The following KIRREL3 variants were observed in gnomAD, a reference collection of about 807,000 sequenced individuals.
KIRREL3 encodes kin of IRRE-like protein 3.
Under a neutral mutation model 89.7 loss-of-function variants are expected in KIRREL3, and 36 were observed. The observed-to-expected ratio is 0.40, with a 90% confidence interval of 0.31 to 0.53. KIRREL3 has a LOEUF of 0.53. KIRREL3 is among the 20% of genes least tolerant of loss of function. KIRREL3 has a pLI of 0.49. For synonymous variants in KIRREL3, 445 were observed against 441.4 expected, an observed-to-expected ratio of 1.01 and a Z score of -0.10; for missense variants, 864 against 1,056.6, an observed-to-expected ratio of 0.82 and a Z score of 2.53.
intron 1 of KIRREL3, among the ~76,000 whole-genome samples, chr11:126,746,850 C>T (rs1949168547): frequency 6.6e-6 from 1 of 152,226 alleles, no homozygotes; most frequent in Non-Finnish European, 1.5e-5. Flanking sequence ...TCCTCACACA[C>T]TCACATCCTG....
At chr11:126,858,188 A>T (rs1944592741) in intron 1 of KIRREL3, among the ~76,000 whole-genome samples, 1 of 152,166 alleles carries the variant, frequency 6.6e-6, no homozygotes, top group Non-Finnish European at 1.5e-5. Flanking sequence ...TATAGACTAG[A>T]CTTGTCCAGG....
rs1007126633 is a variant in KIRREL3, at chr11:126,763,164, T to C, written c.56-200252A>G. 3.9e-5 allele frequency among the ~76,000 whole-genome samples: 6 copies of C among 152,304 alleles called. No individual in the cohort carries two copies. The highest frequency in any genetic ancestry group is 1.4e-4 in the African/African-American group (6 of 41,574). On this transcript the variant is annotated intron_variant, in intron 1 of 16. Coordinates refer to ENST00000525144, the MANE Select transcript of KIRREL3 (RefSeq NM_032531.4). This position sits in a 1 kb window ranked among gnomAD's most constrained non-coding sequence, Gnocchi z 4.7. ...GGTTTGAGAGCAGATTCTGGCTCTG[T>C]TGTCAGCAAGCTGTGTGATCTTGAA... is the stretch of plus-strand genomic sequence containing the variant.
rs1947128458 is a variant in KIRREL3, at chr11:126,918,432, CTT to C, written c.55+82021_55+82022del. Among the ~76,000 whole-genome samples the C allele has an allele frequency of 6.6e-6, 1 of 152,316 alleles. No individual in the cohort carries two copies. The highest frequency in any genetic ancestry group is 1.9e-4 in the East Asian group (1 of 5,194). ...GTAGTTTTAGCGTAAGGAGTGAAGT[CTT>C]TGTAAACTAAGCTGCTTGTTCCTCT... On this transcript the variant is annotated intron_variant, in intron 1 of 16. Coordinates refer to ENST00000525144, the MANE Select transcript of KIRREL3 (RefSeq NM_032531.4). This position sits in a 1 kb window ranked among gnomAD's most constrained non-coding sequence, Gnocchi z 6.5.
At position 126,576,275 on chromosome 11, in the gene KIRREL3, A is replaced by C. The variant is rs974347061; in HGVS notation, c.56-13363T>G. Among the ~76,000 whole-genome samples the C allele has an allele frequency of 2.6e-5, 4 of 152,236 alleles. No homozygotes were observed. Among genetic ancestry groups the C allele is most frequent in the African/African-American group, 9.6e-5 (4 of 41,458 alleles). ...CCTTCCTTTTACAGAACTATAAGTCAGCCTCAGGTATGGGTCAGCTTTATG... is the reference window on the plus strand; with the variant it reads ...CCTTCCTTTTACAGAACTATAAGTCCGCCTCAGGTATGGGTCAGCTTTATG... On this transcript the variant is annotated intron_variant, in intron 1 of 16. Coordinates refer to ENST00000525144, the MANE Select transcript of KIRREL3 (RefSeq NM_032531.4). The surrounding 1 kb of genome is among the most constrained non-coding windows in gnomAD (Gnocchi z 5.4).
rs1296871013 is a variant in KIRREL3 at position 126,448,306 on chromosome 11, TAAA to T, written c.997+700_997+702del. Among the ~76,000 whole-genome samples the T allele has an allele frequency of 2.3e-3, 289 of 123,674 alleles. 1 individual carries two copies. The highest frequency in any genetic ancestry group is 8.4e-3 in the African/African-American group (272 of 32,540). 81.1% of individuals were successfully genotyped at this position (123,674 alleles called of 152,430 possible). Reference sequence around the variant, plus strand: ...AAAAAAAAAAAAAAAAAAAAAGAAATAAAAAGAAAAAGAAGGTACGTCCGTGAG... The same window carrying T: ...AAAAAAAAAAAAAAAAAAAAAGAAATAAGAAAAAGAAGGTACGTCCGTGAG... On this transcript the variant is annotated intron_variant, in intron 8 of 16. Coordinates refer to ENST00000525144, the MANE Select transcript of KIRREL3 (RefSeq NM_032531.4).
intron 1 of KIRREL3, among the ~76,000 whole-genome samples, chr11:126,861,255 G>A (rs772226244): frequency 1.0e-3 from 154 of 152,286 alleles, no homozygotes; most frequent in Non-Finnish European, 1.9e-3. Context: ...GCAAGGGAGA[G>A]TGAGGCAGCC....
rs1944950080 is a variant in KIRREL3 at position 126,652,594 on chromosome 11, G to C, written c.56-89682C>G. Among the ~76,000 whole-genome samples the C allele has an allele frequency of 1.3e-5, 2 of 152,160 alleles. No individual in the cohort carries two copies. The highest frequency in any genetic ancestry group is 1.3e-4 in the Admixed American group (2 of 15,272). On this transcript the variant is annotated intron_variant, in intron 1 of 16. Coordinates refer to ENST00000525144, the MANE Select transcript of KIRREL3 (RefSeq NM_032531.4). This position sits in a 1 kb window ranked among gnomAD's most constrained non-coding sequence, Gnocchi z 4.9. ...CTCCACTCAATCTATAGGTAGCGGGGCTGGGTTCCTAAGGATGTCTGATTC... is the reference window on the plus strand; with the variant it reads ...CTCCACTCAATCTATAGGTAGCGGGCCTGGGTTCCTAAGGATGTCTGATTC...
intron 5 of KIRREL3, among the ~76,000 whole-genome samples, chr11:126,465,349 G>A (rs1227261261): frequency 6.6e-6 from 1 of 152,184 alleles, no homozygotes; most frequent in East Asian, 1.9e-4. Context: ...CCGGGAACTT[G>A]CTGGGTGGAG....
chr11:126,911,487 C>T (rs1946812019), intron 1 of KIRREL3, among the ~76,000 whole-genome samples: 2 of 152,180 alleles, frequency 1.3e-5, no homozygotes, highest in South Asian at 4.1e-4. Flanking sequence ...AAATCACCTT[C>T]ACGGCCTCAC....
Position 126,905,081 on chromosome 11 carries a change from G to A in KIRREL3, c.55+95374C>T, listed in dbSNP as rs556747971. On this transcript the variant is annotated intron_variant, in intron 1 of 16. Coordinates refer to ENST00000525144, the MANE Select transcript of KIRREL3 (RefSeq NM_032531.4). The surrounding 1 kb of genome is among the most constrained non-coding windows in gnomAD (Gnocchi z 5.0). Reference sequence around the variant, plus strand: ...CCTGGTTTGGCAAAAAGGGCGACATGATGGTTGGTGTCTATGAAGACAGCT... The same window carrying A: ...CCTGGTTTGGCAAAAAGGGCGACATAATGGTTGGTGTCTATGAAGACAGCT... Among the ~76,000 whole-genome samples the A allele has an allele frequency of 6.6e-6, 1 of 152,314 alleles. No homozygotes were observed. Among genetic ancestry groups the A allele is most frequent in the Admixed American group, 6.5e-5 (1 of 15,312 alleles).
intron 4 of KIRREL3, among the ~76,000 whole-genome samples, chr11:126,473,735 C>T (rs1235805006): frequency 6.6e-6 from 1 of 152,120 alleles, no homozygotes; most frequent in Admixed American, 6.5e-5. Flanking sequence ...CAGCCTCAGC[C>T]TGCACTCCCA....
chr11:126,944,831 A>C (rs1948571477), intron 1 of KIRREL3: 1 of 152,148 alleles, frequency 6.6e-6, no homozygotes, highest in Admixed American at 6.5e-5. Context: ...ATTAGCTTTC[A>C]TTTGGGTAAC....
At chr11:126,847,892 A>G (rs1483998360) in intron 1 of KIRREL3, among the ~76,000 whole-genome samples, 4 of 152,200 alleles carry the variant, frequency 2.6e-5, no homozygotes, top group Admixed American at 2.6e-4. Flanking sequence ...TGTAATAAGA[A>G]TCTATTTTCT....
chr11:126,679,022 T>C (rs1354195165), intron 1 of KIRREL3, among the ~76,000 whole-genome samples: 1 of 152,230 alleles, frequency 6.6e-6, no homozygotes, highest in African/African-American at 2.4e-5. Flanking sequence ...AGGAGAACTC[T>C]GCTGAGGGGT....
intron 2 of KIRREL3, among the ~76,000 whole-genome samples, chr11:126,559,890 C>T (rs766514528): frequency 3.9e-5 from 6 of 151,968 alleles, no homozygotes; most frequent in South Asian, 2.1e-4. Flanking sequence ...ACCATGTTGG[C>T]CAGGCTGGTC....
intron 7 of KIRREL3, 42 bp downstream of exon 7, chr11:126,456,307 G>C: frequency 7.3e-7 from 1 of 1,369,862 alleles, no homozygotes; most frequent in Non-Finnish European, 1.0e-6. Context: ...ACGGGGGTGG[G>C]GGCCAGTGGC....
Position 126,946,171 on chromosome 11 carries a change from T to C in KIRREL3, c.55+54284A>G, listed in dbSNP as rs1031362563. 1.3e-5 allele frequency among the ~76,000 whole-genome samples: 2 copies of C among 152,066 alleles called. No homozygotes were observed. The highest frequency in any genetic ancestry group is 1.3e-4 in the Admixed American group (2 of 15,260). On this transcript the variant is annotated intron_variant, in intron 1 of 16. Transcript: ENST00000525144. The surrounding 1 kb of genome is among the most constrained non-coding windows in gnomAD (Gnocchi z 4.1). ...AAGCCCCTTGTGAGAACAAGAACCC[T>C]AAGCTTAGATGCCAGAATTCAAGTT...
chr11:126,559,908 C>A (rs145362840), intron 2 of KIRREL3, among the ~76,000 whole-genome samples: 1 of 152,048 alleles, frequency 6.6e-6, no homozygotes, highest in Non-Finnish European at 1.5e-5. Flanking sequence ...GTCTTGAACT[C>A]CTGACCTCAA....
intron 1 of KIRREL3, among the ~76,000 whole-genome samples, chr11:126,832,453 G>C (rs1431740838): frequency 6.6e-6 from 1 of 152,106 alleles, no homozygotes; most frequent in Non-Finnish European, 1.5e-5. Flanking sequence ...GTACATAAAG[G>C]CAACCTCCTC....
Sources: gnomAD v4.1 joint callset for allele counts (sites outside exome capture counted in the v4.1 genomes callset) on GRCh38, gnomAD v4.1.1 for gene constraint, Gnocchi (gnomAD v3.1) non-coding constraint, MANE v1.5 for transcripts, NCBI Gene and HGNC (gene_info 2026-07-23, HGNC 2026-07-21) for gene names.